The following RBFOX1 variants were observed in gnomAD, a reference collection of about 807,000 sequenced individuals.
RBFOX1 encodes RNA binding fox-1 homolog 1, also known as RNA binding protein fox-1 homolog 1.
RBFOX1 carries 8 observed loss-of-function variants against 57.7 expected under a neutral mutation model. The ratio of observed to expected loss-of-function variants is 0.14; its 90% CI spans 0.08 to 0.25. RBFOX1 has a LOEUF of 0.25. RBFOX1 is among the 10% of genes least tolerant of loss of function. The pLI, the probability that RBFOX1 is intolerant of heterozygous loss-of-function variation, is 1.00. For synonymous variants in RBFOX1, 326 were observed against 222.4 expected, an observed-to-expected ratio of 1.47 and a Z score of -4.15; for missense variants, 611 against 548.5, an observed-to-expected ratio of 1.11 and a Z score of -1.14.
At position 5,276,927 on chromosome 16, in the gene RBFOX1, C is replaced by T. The variant is rs371625449; in HGVS notation, c.219+36822C>T. On this transcript the variant is annotated intron_variant, in intron 1 of 2. Transcript: ENST00000585867. ...AAAGTACATCTACCATTTGATCCAG[C>T]AATCCCACTACTAAGTATCTACCCA... Among the ~76,000 whole-genome samples, 7 of 152,294 alleles carry T rather than the reference C, an allele frequency of 4.6e-5. No homozygotes were observed. In the East Asian group the frequency reaches 1.2e-3, roughly 25 times the overall value.
intron 3 of RBFOX1, among the ~76,000 whole-genome samples, chr16:6,709,126 A>G (rs1480739542): frequency 6.6e-6 from 1 of 152,166 alleles, no homozygotes; most frequent in African/African-American, 2.4e-5. Context: ...AATGTAACAG[A>G]AAGTATCTTA....
intron 1 of RBFOX1, among the ~76,000 whole-genome samples, chr16:6,203,911 C>T (rs1338362968): frequency 6.6e-6 from 1 of 151,884 alleles, no homozygotes; most frequent in African/African-American, 2.4e-5. Context: ...CTGATCCCTG[C>T]ATACACAAAC....
intron 1 of RBFOX1, among the ~76,000 whole-genome samples, chr16:6,055,590 C>CAAAAA (rs35872547): frequency 1.4e-4 from 9 of 65,568 alleles, no homozygotes; most frequent in East Asian, 5.5e-4. Context: ...GAGACTCCGT[C>CAAAAA]AAAAAAAAAA....
At chr16:5,912,649 C>G (rs978472384) in intron 4 of RBFOX1, among the ~76,000 whole-genome samples, 2 of 152,128 alleles carry the variant, frequency 1.3e-5, no homozygotes, top group African/African-American at 2.4e-5. Flanking sequence ...TAATTATTTC[C>G]TATTTGCTTG....
chr16:7,553,637 A>G (rs1431574650), intron 5 of RBFOX1, among the ~76,000 whole-genome samples: 1 of 152,230 alleles, frequency 6.6e-6, no homozygotes, highest in Non-Finnish European at 1.5e-5. Context: ...TGAAAGGTGC[A>G]CAACTCATTT....
chr16:7,214,088 ATT>A (rs376089806), intron 4 of RBFOX1, among the ~76,000 whole-genome samples: 15 of 150,204 alleles, frequency 1.0e-4, no homozygotes, highest in African/African-American at 2.9e-4. Context: ...AAAAAAAAAA[ATT>A]TTTCCACTTC....
intron 2 of RBFOX1, among the ~76,000 whole-genome samples, chr16:6,477,011 G>T (rs1022074622): frequency 1.3e-5 from 2 of 152,062 alleles, no homozygotes; most frequent in Non-Finnish European, 2.9e-5. Context: ...GTTTTATCAC[G>T]AGATTGCAGC....
intron 3 of RBFOX1, among the ~76,000 whole-genome samples, chr16:7,047,615 TA>T (rs200465753): frequency 5.2e-5 from 6 of 115,966 alleles, no homozygotes; most frequent in Non-Finnish European, 8.7e-5. Flanking sequence ...CATTATTTCT[TA>T]ATTTTTTTTT....
intron 1 of RBFOX1, among the ~76,000 whole-genome samples, chr16:5,464,130 A>T (rs1416713519): frequency 1.3e-5 from 2 of 152,134 alleles, no homozygotes; most frequent in Non-Finnish European, 2.9e-5. Context: ...GAGGGGAAGG[A>T]GGCACAGCTG....
rs369904937 is a variant in RBFOX1 at position 7,454,148 on chromosome 16, G to A, written c.28-63999G>A. Among the ~76,000 whole-genome samples the A allele has an allele frequency of 3.3e-3, 505 of 152,304 alleles. 3 individuals carry two copies. Among genetic ancestry groups the A allele is most frequent in the African/African-American group, 0.011 (478 of 41,572 alleles). On this transcript the variant is annotated intron_variant, in intron 4 of 15. Transcript: ENST00000550418. ...CTCAGGAGGCTAAGGCAGGAGAATC[G>A]CTTGAACTCAGGAGGCTGAGGTCCC...
chr16:6,292,617 A>G (rs777605258), intron 1 of RBFOX1, among the ~76,000 whole-genome samples: 29 of 152,238 alleles, frequency 1.9e-4, no homozygotes, highest in Non-Finnish European at 3.5e-4. Flanking sequence ...CATGGAGTCA[A>G]TTTGTTTTTC....
intron 4 of RBFOX1, among the ~76,000 whole-genome samples, chr16:7,072,640 C>T (rs1598725561): frequency 2.0e-5 from 3 of 152,272 alleles, no homozygotes; most frequent in South Asian, 4.1e-4. Context: ...GAAGAGATTT[C>T]AGAATATTTC....
intron 2 of RBFOX1, among the ~76,000 whole-genome samples, chr16:6,363,088 A>G (rs2088894147): frequency 6.6e-6 from 1 of 152,206 alleles, no homozygotes; most frequent in South Asian, 2.1e-4. Context: ...CTACCAGAAG[A>G]ATCATTTTTT....
chr16:6,838,162 A>G (rs928813872), intron 3 of RBFOX1, among the ~76,000 whole-genome samples: 34 of 151,980 alleles, frequency 2.2e-4, no homozygotes, highest in African/African-American at 8.2e-4. Flanking sequence ...ATTTGTCCTA[A>G]TGCTCTACCT....
intron 4 of RBFOX1, among the ~76,000 whole-genome samples, chr16:7,205,146 G>T (rs1051737105): frequency 6.6e-6 from 1 of 152,128 alleles, no homozygotes; most frequent in Admixed American, 6.6e-5. Flanking sequence ...TAAGATAGAG[G>T]CTGAGAGACC....
chr16:7,689,267 T>C (rs1044015496), intron 14 of RBFOX1, among the ~76,000 whole-genome samples: 8 of 152,112 alleles, frequency 5.3e-5, no homozygotes, highest in Admixed American at 5.2e-4. Flanking sequence ...TTTTCATACA[T>C]TGGTAATCCT....
intron 4 of RBFOX1, among the ~76,000 whole-genome samples, chr16:7,336,286 G>A (rs1238232786): frequency 6.6e-6 from 1 of 152,202 alleles, no homozygotes; most frequent in East Asian, 1.9e-4. Flanking sequence ...TGGGTCTAAT[G>A]TGTTGGCTCT....
chr16:7,227,548 G>A (rs1254165069), intron 4 of RBFOX1, among the ~76,000 whole-genome samples: 3 of 152,140 alleles, frequency 2.0e-5, no homozygotes, highest in Admixed American at 2.0e-4. Context: ...TTTCCCTGGG[G>A]GCAGCTTTCG....
At chr16:5,572,979 C>T (rs547293607) in intron 2 of RBFOX1, among the ~76,000 whole-genome samples, 8 of 152,150 alleles carry the variant, frequency 5.3e-5, no homozygotes, top group East Asian at 3.9e-4. Flanking sequence ...GGAAGAATGG[C>T]GTGACCTGAC....
Sources: gnomAD v4.1 joint callset for allele counts (sites outside exome capture counted in the v4.1 genomes callset) on GRCh38, gnomAD v4.1.1 for gene constraint, MANE v1.5 for transcripts, NCBI Gene and HGNC (gene_info 2026-07-23, HGNC 2026-07-21) for gene names.